Variants in SPTBN4 observed in about 807,000 individuals in gnomAD.
SPTBN4 encodes spectrin beta, non-erythrocytic 4.
SPTBN4 carries 96 observed loss-of-function variants against 277.8 expected under a neutral mutation model. The ratio of observed to expected loss-of-function variants is 0.35; its 90% CI spans 0.29 to 0.41. SPTBN4 has a LOEUF of 0.41. Among genes scored for constraint, SPTBN4 ranks in the 10% least tolerant of loss-of-function variants. The pLI is 1.00. For missense variants in SPTBN4, 3,006 were observed against 3,595.7 expected, an observed-to-expected ratio of 0.84 and a Z score of 4.19; for synonymous variants, 1,481 against 1,580.3, an observed-to-expected ratio of 0.94 and a Z score of 1.49.
rs1284881942 is a variant in SPTBN4 at position 40,494,890 on chromosome 19, C to G, written c.588-7C>G. 6.8e-6 allele frequency: 11 copies of G among 1,613,970 alleles called. No individual in the cohort carries two copies. Among genetic ancestry groups the G allele is most frequent in the Non-Finnish European group, 8.5e-6 (10 of 1,179,938 alleles). On this transcript the variant is annotated splice_polypyrimidine_tract_variant and splice_region_variant and intron_variant, in intron 5 of 35. Transcript: ENST00000598249. Reference sequence around the variant, plus strand: ...CTCTGCCTCTGTTTCTCCCTTCACCCTTCCAGTTACCCTGAGGTAAACATC... The same window carrying G: ...CTCTGCCTCTGTTTCTCCCTTCACCGTTCCAGTTACCCTGAGGTAAACATC...
intron 6 of SPTBN4, among the ~76,000 whole-genome samples, chr19:40,495,207 A>G (rs1397754905): frequency 6.6e-6 from 1 of 152,186 alleles, no homozygotes; most frequent in African/African-American, 2.4e-5. Context: ...CCCTGTGCAC[A>G]CATGGACACA....
At chr19:40,557,918 CA>C (rs772813414) in intron 26 of SPTBN4, among the ~76,000 whole-genome samples, 516 of 44,342 alleles carry the variant, frequency 0.012, 1 homozygote, top group African/African-American at 0.032. Context: ...TACTCTGTCT[CA>C]AAAAAAAAAA....
intron 20 of SPTBN4, among the ~76,000 whole-genome samples, chr19:40,546,389 CT>C (rs200586429): frequency 1.3e-5 from 2 of 150,754 alleles, no homozygotes. Context: ...TTGGGCAGTC[CT>C]TTTTTTTTGC....
chr19:40,497,752 C>T, intron 7 of SPTBN4, 148 bp downstream of exon 7: 1 of 664,714 alleles, frequency 1.5e-6, no homozygotes, highest in Non-Finnish European at 2.7e-6. Context: ...CCAACTGTCT[C>T]CTCAGCCTCC....
At position 40,506,354 on chromosome 19, in the gene SPTBN4, A is replaced by G. The variant is rs1455228586; in HGVS notation, c.1784A>G (p.Asn595Ser). Residue 595 changes from asparagine (N) to serine (S), a missense_variant, in exon 13 of 36, where the codon AAT becomes AGT. By Grantham distance (46) the Asn-to-Ser change is conservative. Around this residue, in one of 5 missense-constraint regions of SPTBN4, gnomAD observed 1,759 missense variants for 2,061.5 expected, o/e 0.85. Coordinates refer to ENST00000598249, the MANE Select transcript of SPTBN4 (RefSeq NM_020971.3). Reference sequence around the variant, plus strand: ...CAGAGCGAGCGGGTGGAGGCTCTCAATGCCGCTGCCCTGCGCTTCTCCCAG... The same window carrying G: ...CAGAGCGAGCGGGTGGAGGCTCTCAGTGCCGCTGCCCTGCGCTTCTCCCAG... ...AAQSERVEAL[N>S]AAALRFSQLQ... The G allele has an allele frequency of 1.9e-6, 3 of 1,613,694 alleles. No individual in the cohort carries two copies. The highest frequency in any genetic ancestry group is 1.1e-5 in the South Asian group (1 of 91,024).
chr19:40,502,001 G>T lies in SPTBN4; in HGVS notation c.865G>T (p.Ala289Ser). ...SFYHYFSKMK[A>S]LAVEGKRIGK... is the part of the protein sequence containing the mutation. ...CTACCACTATTTCTCCAAGATGAAG[G>T]CTCTGGCTGTGGAGGGGAAGCGTAT... Residue 289 changes from alanine (A) to serine (S), a missense_variant, in exon 8 of 36, where the codon GCT (alanine) becomes TCT (serine). Ala to Ser is a moderately conservative substitution (Grantham distance 99). Transcript: ENST00000598249. This position sits in a 1 kb window ranked among gnomAD's most constrained non-coding sequence, Gnocchi z 4.9. 6.2e-7 allele frequency: 1 copy of T among 1,614,238 alleles called. No homozygotes were observed.
chr19:40,505,743 GAAGGAAGGAAGA>G (rs1246139902), intron 12 of SPTBN4, among the ~76,000 whole-genome samples: 104 of 150,894 alleles, frequency 6.9e-4, no homozygotes, highest in African/African-American at 2.1e-3. Context: ...AGGAAGGAAG[GAAGGAAGGAAGA>G]AAGAAAGGTG....
Position 40,515,869 on chromosome 19 carries a change from C to T in SPTBN4, c.2903+421C>T, listed in dbSNP as rs910292798. Among the ~76,000 whole-genome samples, 8 of 123,106 alleles carry T rather than the reference C, an allele frequency of 6.5e-5. No individual in the cohort carries two copies. The highest frequency in any genetic ancestry group is 2.6e-4 in the South Asian group (1 of 3,910). 80.8% of individuals were successfully genotyped at this position (123,106 alleles called of 152,430 possible). ...GAAACCCCGTCTCTCTCTCTACGTG[C>T]GCGCACACACACACACACACACACA... On this transcript the variant is annotated intron_variant, in intron 15 of 35. Coordinates refer to ENST00000598249, the MANE Select transcript of SPTBN4 (RefSeq NM_020971.3). The surrounding 1 kb of genome is among the most constrained non-coding windows in gnomAD (Gnocchi z 4.1).
At chr19:40,506,861 T>C (rs1248708101) in intron 13 of SPTBN4, among the ~76,000 whole-genome samples, 2 of 151,926 alleles carry the variant, frequency 1.3e-5, no homozygotes, top group Non-Finnish European at 1.5e-5. Context: ...GATACAAGCC[T>C]GTAGTGCCAG....
At position 40,467,629 on chromosome 19, in the gene SPTBN4, G is replaced by A. The variant is rs1040717968; in HGVS notation, c.-16+324G>A. 2.6e-5 allele frequency among the ~76,000 whole-genome samples: 4 copies of A among 152,088 alleles called. No individual in the cohort carries two copies. In the East Asian group the frequency reaches 7.8e-4, roughly 30 times the overall value. ...AGCGCCCCACCAGCCTTTGCGGGGG[G>A]GGGGGGGTGTTGGGGGGAGGCTCGC... On this transcript the variant is annotated intron_variant, in intron 1 of 35. Transcript: ENST00000598249.
chr19:40,484,072 A>C (rs2080042211), intron 2 of SPTBN4, among the ~76,000 whole-genome samples: 1 of 151,976 alleles, frequency 6.6e-6, no homozygotes, highest in African/African-American at 2.4e-5. Flanking sequence ...TACAGGGCAG[A>C]CCCTGTATCA....
intron 1 of SPTBN4, among the ~76,000 whole-genome samples, chr19:40,469,633 A>C (rs1454896281): frequency 2.7e-5 from 4 of 150,696 alleles, no homozygotes; most frequent in African/African-American, 2.4e-5. Flanking sequence ...TAACCCTTTA[A>C]ATTTCTTCTC....
In SPTBN4 at chr19:40,575,302, A is replaced by T; in HGVS notation, c.7537-109A>T. On this transcript the variant is annotated intron_variant, in intron 35 of 35. Coordinates refer to ENST00000598249, the MANE Select transcript of SPTBN4 (RefSeq NM_020971.3). ...TGCATCATCATCATCATCCCTTTTTAATAGATGAGAAAACTGAATTTCAGA... is the reference window on the plus strand; with the variant it reads ...TGCATCATCATCATCATCCCTTTTTTATAGATGAGAAAACTGAATTTCAGA... 3.1e-6 allele frequency: 4 copies of T among 1,305,568 alleles called. No individual in the cohort carries two copies. In the Admixed American group the frequency reaches 7.8e-5, roughly 25 times the overall value. 80.9% of individuals were successfully genotyped at this position (1,305,568 alleles called of 1,614,324 possible).
In SPTBN4 at chr19:40,560,342, C is replaced by T. The variant is rs367798132; in HGVS notation, c.5854C>T (p.Arg1952Cys). Residue 1952 changes from arginine to cysteine, a missense_variant, in exon 27 of 36, where the codon CGC becomes TGC. Physicochemically the swap from Arg to Cys is radical, Grantham distance 180. Coordinates refer to ENST00000598249, the MANE Select transcript of SPTBN4 (RefSeq NM_020971.3). The surrounding 1 kb of genome is among the most constrained non-coding windows in gnomAD (Gnocchi z 5.2). ...ADALRFHSQV[R>C]DLLSWMDGIA... ...CGCCCTGCGCTTCCACAGCCAAGTC[C>T]GCGACCTGCTCTCCTGGATGGATGG... 2.1e-5 allele frequency: 34 copies of T among 1,614,100 alleles called. No individual in the cohort carries two copies. The highest frequency in any genetic ancestry group is 1.1e-4 in the East Asian group (5 of 44,884).
In SPTBN4 at chr19:40,519,907, A is replaced by C; in HGVS notation, c.3410A>C (p.Glu1137Ala). 2.6e-6 allele frequency: 4 copies of C among 1,549,408 alleles called. No homozygotes were observed. The highest frequency in any genetic ancestry group is 3.5e-6 in the Non-Finnish European group (4 of 1,155,724). Residue 1137 changes from glutamate to alanine, a missense_variant, in exon 16 of 36, where the codon GAG (glutamate) becomes GCG (alanine). This residue lies in a region of SPTBN4 where 1,759 missense variants were observed against 2,061.5 expected (regional missense o/e 0.85). Coordinates refer to ENST00000598249, the MANE Select transcript of SPTBN4 (RefSeq NM_020971.3). The surrounding 1 kb of genome is among the most constrained non-coding windows in gnomAD (Gnocchi z 5.7). ...CTGGCGCGCCACGCTGCGCTCAAGG[A>C]GGAGGTGGACCAGCGCGAGGAAGAC... ...ALLARHAALK[E>A]EVDQREEDYA...
chr19:40,537,216 C>T (rs531164018), intron 20 of SPTBN4, among the ~76,000 whole-genome samples: 1 of 152,124 alleles, frequency 6.6e-6, no homozygotes, highest in South Asian at 2.1e-4. Flanking sequence ...CAGCATGTTG[C>T]CCAGGCTGGT....
chr19:40,498,104 C>A (rs1301898269), intron 7 of SPTBN4, among the ~76,000 whole-genome samples: 1 of 152,040 alleles, frequency 6.6e-6, no homozygotes, highest in Non-Finnish European at 1.5e-5. Context: ...CGCCCTAGCC[C>A]ATCCCCATGT....
intron 6 of SPTBN4, 125 bp from the exon 7 acceptor site, chr19:40,497,364 C>T: frequency 1.4e-6 from 1 of 694,156 alleles, no homozygotes; most frequent in Admixed American, 2.3e-5. Flanking sequence ...CAGCTTGCCC[C>T]TTGGCTAGAC....
chr19:40,541,076 G>T (rs1038086333), intron 20 of SPTBN4, among the ~76,000 whole-genome samples: 1 of 152,106 alleles, frequency 6.6e-6, no homozygotes, highest in Admixed American at 6.6e-5. Context: ...TCACTGCAGT[G>T]TGTGTATTTG....
Sources: gnomAD v4.1 joint callset for allele counts (sites outside exome capture counted in the v4.1 genomes callset) on GRCh38, gnomAD v4.1.1 for gene constraint, gnomAD v4.1.1 regional missense constraint, Gnocchi (gnomAD v3.1) non-coding constraint, MANE v1.5 for transcripts, NCBI Gene and HGNC (gene_info 2026-07-23, HGNC 2026-07-21) for gene names.